The following TEX11 variants were observed in gnomAD, a reference collection of about 807,000 sequenced individuals.
The protein encoded by TEX11 is testis-expressed protein 11.
In TEX11, 7 loss-of-function variants were observed where a neutral mutation model predicts 84.4. The observed-to-expected ratio is 0.08, with a 90% CI of 0.05 to 0.16. The LOEUF (loss-of-function observed/expected upper bound fraction) is 0.16, where lower values mean the gene tolerates loss of function less well. Among genes scored for constraint, TEX11 ranks in the 10% least tolerant of loss-of-function variants. TEX11 has a pLI of 1.00. For missense variants in TEX11, 551 were observed against 660.5 expected (o/e 0.83, Z 1.82); for synonymous variants, 264 against 222.8 (o/e 1.18, Z -1.64).
At chrX:70,725,028 A>G (rs1407256493) in intron 12 of TEX11, among the ~76,000 whole-genome samples, 2 of 108,206 alleles carry the variant, frequency 1.8e-5, no homozygotes, top group African/African-American at 6.8e-5. Flanking sequence ...AAGAAAACTG[A>G]TTGCTTTTAT....
chrX:70,681,667 G>GT (rs533821321), intron 14 of TEX11, among the ~76,000 whole-genome samples: 1 of 110,953 alleles, frequency 9.0e-6, no homozygotes, highest in Non-Finnish European at 1.9e-5. Context: ...AATTGGTAGA[G>GT]TTTTTTTTCC....
At chrX:70,572,157 A>C (rs2088608513) in intron 25 of TEX11, among the ~76,000 whole-genome samples, 1 of 110,435 alleles carries the variant, frequency 9.1e-6, no homozygotes, top group Non-Finnish European at 1.9e-5. Context: ...TTTACAAGAA[A>C]AAAAAAAACA....
intron 14 of TEX11, among the ~76,000 whole-genome samples, chrX:70,682,237 T>C (rs1405368876): frequency 9.0e-6 from 1 of 111,436 alleles, no homozygotes; most frequent in Non-Finnish European, 1.9e-5. Flanking sequence ...GGGGTTCATA[T>C]AAGATTGCAT....
In TEX11 at chrX:70,870,171, T is replaced by C. The variant is rs750255541; in HGVS notation, c.244+3052A>G. On this transcript the variant is annotated intron_variant, in intron 4 of 29. Coordinates refer to ENST00000374333, the MANE Select transcript of TEX11 (RefSeq NM_031276.3). ...TTATAAATTTTTAAATTATTGTTTATCTAGCTTTAAACTATTCCTTCCGAA... is the reference window on the plus strand; with the variant it reads ...TTATAAATTTTTAAATTATTGTTTACCTAGCTTTAAACTATTCCTTCCGAA... 2.5e-4 allele frequency among the ~76,000 whole-genome samples: 28 copies of C among 112,295 alleles called. No homozygotes were observed. In the South Asian group the frequency reaches 0.01, roughly 42 times the overall value.
At chrX:70,784,586 A>G (rs2091065096) in intron 9 of TEX11, among the ~76,000 whole-genome samples, 1 of 111,528 alleles carries the variant, frequency 9.0e-6, no homozygotes, top group Non-Finnish European at 1.9e-5. Context: ...AAACCCCATC[A>G]TCTCTGCCCA....
intron 28 of TEX11, among the ~76,000 whole-genome samples, chrX:70,531,126 G>A (rs2087882620): frequency 2.7e-5 from 3 of 111,524 alleles, no homozygotes; most frequent in Admixed American, 1.9e-4. Context: ...GAAATGCTAT[G>A]TATTTATCTC....
chrX:70,850,562 TA>T (rs1837702778), intron 7 of TEX11, among the ~76,000 whole-genome samples: 1 of 79,508 alleles, frequency 1.3e-5, no homozygotes, highest in African/African-American at 5.0e-5. Context: ...GACAACATAG[TA>T]AAACCCTCCC....
intron 29 of TEX11, among the ~76,000 whole-genome samples, chrX:70,529,628 CCT>C (rs2087858069): frequency 8.9e-6 from 1 of 112,008 alleles, no homozygotes; most frequent in Non-Finnish European, 1.9e-5. Context: ...TAAATTTCCC[CCT>C]GTTCTCTGTC....
At chrX:70,730,752 A>G (rs2090641457) in intron 11 of TEX11, among the ~76,000 whole-genome samples, 1 of 111,738 alleles carries the variant, frequency 8.9e-6, no homozygotes, top group East Asian at 2.8e-4. Flanking sequence ...AACACGACAG[A>G]AAGTTAACAA....
intron 8 of TEX11, among the ~76,000 whole-genome samples, chrX:70,831,111 T>C (rs905675508): frequency 8.9e-6 from 1 of 111,752 alleles, no homozygotes; most frequent in Non-Finnish European, 1.9e-5. Context: ...TTATATACAA[T>C]AGAATACTAT....
chrX:70,691,291 T>C (rs772715994), intron 13 of TEX11, among the ~76,000 whole-genome samples: 19 of 112,055 alleles, frequency 1.7e-4, no homozygotes, highest in Non-Finnish European at 3.0e-4. Flanking sequence ...AACTACCATA[T>C]GACACAGCAA....
At chrX:70,786,785 T>C (rs1480046990) in intron 9 of TEX11, among the ~76,000 whole-genome samples, 1 of 112,076 alleles carries the variant, frequency 8.9e-6, no homozygotes, top group African/African-American at 3.2e-5. Flanking sequence ...ATGTGGTATG[T>C]CACATTAACA....
intron 11 of TEX11, among the ~76,000 whole-genome samples, chrX:70,740,486 C>T (rs763628316): frequency 9.0e-6 from 1 of 111,668 alleles, no homozygotes; most frequent in South Asian, 3.8e-4. Context: ...CTCTTAATAT[C>T]ATCACTTTGG....
At chrX:70,622,501 A>G (rs2089406667) in intron 20 of TEX11, among the ~76,000 whole-genome samples, 1 of 112,113 alleles carries the variant, frequency 8.9e-6, no homozygotes, top group African/African-American at 3.2e-5. Context: ...TGCTGGAGAT[A>G]TTATAAATAA....
At chrX:70,845,839 C>T (rs921784189) in intron 7 of TEX11, among the ~76,000 whole-genome samples, 3 of 110,954 alleles carry the variant, frequency 2.7e-5, no homozygotes, top group African/African-American at 9.8e-5. Flanking sequence ...CACGCACACA[C>T]AAAATAGTTA....
At chrX:70,827,241 T>C (rs904689201) in intron 8 of TEX11, among the ~76,000 whole-genome samples, 1 of 111,212 alleles carries the variant, frequency 9.0e-6, no homozygotes, top group African/African-American at 3.3e-5. Context: ...TAAAGAACCC[T>C]TGGTATAACC....
At chrX:70,551,626 A>C (rs945490874) in intron 28 of TEX11, among the ~76,000 whole-genome samples, 1 of 111,831 alleles carries the variant, frequency 8.9e-6, no homozygotes, top group Non-Finnish European at 1.9e-5. Flanking sequence ...ATTGTGCACA[A>C]GCCATGGGTG....
At chrX:70,890,599 C>T (rs2091732224) in intron 2 of TEX11, among the ~76,000 whole-genome samples, 1 of 112,686 alleles carries the variant, frequency 8.9e-6, no homozygotes, top group Non-Finnish European at 1.9e-5. Context: ...GCCTTGATCA[C>T]TGCTAGGGCA....
intron 13 of TEX11, among the ~76,000 whole-genome samples, chrX:70,714,117 A>C (rs745423300): frequency 8.9e-6 from 1 of 111,816 alleles, no homozygotes; most frequent in Non-Finnish European, 1.9e-5. Flanking sequence ...TGAGTTTCTT[A>C]ATCCTGAGTT....
Sources: allele counts gnomAD v4.1 joint callset (sites outside exome capture counted in the v4.1 genomes callset), GRCh38; gene constraint gnomAD v4.1.1; transcripts MANE v1.5; gene names NCBI Gene and HGNC (gene_info 2026-07-23, HGNC 2026-07-21).